Variants in B3GALT1 observed in about 807,000 individuals in gnomAD.
B3GALT1 encodes UDP-Gal:betaGlcNAc beta 1,3-galactosyltransferase, polypeptide 1.
A neutral mutation model predicts 23.2 loss-of-function variants in B3GALT1; 10 were observed. The observed-to-expected ratio is 0.43, with a 90% confidence interval of 0.27 to 0.73. B3GALT1 has a LOEUF of 0.73. Ranked by LOEUF, B3GALT1 falls within the 30% of genes least tolerant of loss-of-function variation. The pLI, the probability that B3GALT1 is intolerant of heterozygous loss-of-function variation, is 0.21. For missense variants in B3GALT1, 299 were observed against 405.4 expected (o/e 0.74, Z 2.25); for synonymous variants, 156 against 141.5 (o/e 1.10, Z -0.73).
At chr2:167,460,148 GT>G (rs896499735) in intron 1 of B3GALT1, among the ~76,000 whole-genome samples, 17 of 152,188 alleles carry the variant, frequency 1.1e-4, no homozygotes, top group African/African-American at 3.9e-4. Context: ...TTATATTCAT[GT>G]TTTTTATCAA....
At chr2:167,430,131 G>A (rs943955641) in intron 1 of B3GALT1, among the ~76,000 whole-genome samples, 1 of 152,208 alleles carries the variant, frequency 6.6e-6, no homozygotes, top group Non-Finnish European at 1.5e-5. Flanking sequence ...TCAGTTTTAA[G>A]TAAGGTAGCT....
intron 3 of B3GALT1, among the ~76,000 whole-genome samples, chr2:167,807,777 A>G (rs1688786086): frequency 6.6e-6 from 1 of 152,234 alleles, no homozygotes; most frequent in Non-Finnish European, 1.5e-5. Context: ...GGTGCTGAGA[A>G]GAATGTATAT....
intron 2 of B3GALT1, among the ~76,000 whole-genome samples, chr2:167,644,922 G>A (rs1484985540): frequency 6.6e-6 from 1 of 151,620 alleles, no homozygotes; most frequent in Non-Finnish European, 1.5e-5. Flanking sequence ...GCACCATTCA[G>A]ACTCAGAGCC....
At chr2:167,617,507 A>T (rs1024974875) in intron 2 of B3GALT1, among the ~76,000 whole-genome samples, 1 of 152,080 alleles carries the variant, frequency 6.6e-6, no homozygotes, top group Non-Finnish European at 1.5e-5. Context: ...TTAGGGTTCT[A>T]TTAGAAGTGA....
chr2:167,657,463 C>T (rs1685975489), intron 3 of B3GALT1, among the ~76,000 whole-genome samples: 5 of 151,902 alleles, frequency 3.3e-5, no homozygotes, highest in African/African-American at 1.2e-4. Flanking sequence ...CGGCATGTCC[C>T]CACAGTACAG....
At chr2:167,667,540 G>C (rs967343090) in intron 3 of B3GALT1, among the ~76,000 whole-genome samples, 3 of 152,196 alleles carry the variant, frequency 2.0e-5, no homozygotes, top group Non-Finnish European at 4.4e-5. Flanking sequence ...ATATCCTGCA[G>C]AGTGTTTTCC....
intron 4 of B3GALT1, among the ~76,000 whole-genome samples, chr2:167,861,781 G>A (rs901763962): frequency 6.6e-6 from 1 of 152,130 alleles, no homozygotes; most frequent in Admixed American, 6.5e-5. Flanking sequence ...GTAAGAGAGA[G>A]GAGACATTTG....
chr2:167,669,219 A>G (rs1446712474), intron 3 of B3GALT1, among the ~76,000 whole-genome samples: 1 of 152,096 alleles, frequency 6.6e-6, no homozygotes. Context: ...CATAAGGGCT[A>G]TTGATGTATA....
intron 1 of B3GALT1, among the ~76,000 whole-genome samples, chr2:167,429,537 A>G (rs932162760): frequency 1.3e-5 from 2 of 152,208 alleles, no homozygotes; most frequent in African/African-American, 4.8e-5. Flanking sequence ...CCTATGGGAC[A>G]GAAAGGGTAA....
At chr2:167,573,984 G>C in intron 2 of B3GALT1, among the ~76,000 whole-genome samples, 1 of 151,542 alleles carries the variant, frequency 6.6e-6, no homozygotes. Context: ...GTAACAATAT[G>C]GGATCCAATG....
intron 1 of B3GALT1, among the ~76,000 whole-genome samples, chr2:167,436,591 C>T (rs1698789749): frequency 6.6e-6 from 1 of 152,176 alleles, no homozygotes; most frequent in Non-Finnish European, 1.5e-5. Flanking sequence ...GGGATGAAAA[C>T]TACATTGTTA....
At chr2:167,382,074 C>T (rs1697854165) in intron 1 of B3GALT1, among the ~76,000 whole-genome samples, 1 of 152,128 alleles carries the variant, frequency 6.6e-6, no homozygotes, top group African/African-American at 2.4e-5. Context: ...AAATTGAGGC[C>T]ATTCATTTAA....
chr2:167,555,122 A>G (rs1373166224), intron 2 of B3GALT1, among the ~76,000 whole-genome samples: 3 of 152,208 alleles, frequency 2.0e-5, no homozygotes, highest in African/African-American at 7.2e-5. Flanking sequence ...TGCTATGTAT[A>G]TGCTTCACTT....
At chr2:167,610,750 G>A (rs1404700922) in intron 2 of B3GALT1, among the ~76,000 whole-genome samples, 2 of 151,808 alleles carry the variant, frequency 1.3e-5, no homozygotes, top group African/African-American at 2.4e-5. Flanking sequence ...AAGTGTGCAT[G>A]TCTAGTAGTG....
intron 4 of B3GALT1, among the ~76,000 whole-genome samples, chr2:167,867,202 A>AG (rs1434160268): frequency 6.6e-6 from 1 of 152,216 alleles, no homozygotes; most frequent in Non-Finnish European, 1.5e-5. Context: ...CTGGGATTAC[A>AG]GGCGTGAGCC....
At chr2:167,843,361 G>A (rs1223327696) in intron 4 of B3GALT1, among the ~76,000 whole-genome samples, 1 of 152,158 alleles carries the variant, frequency 6.6e-6, no homozygotes, top group African/African-American at 2.4e-5. Context: ...AATCCAGCCT[G>A]TCAGACTCCA....
chr2:167,633,685 G>A (rs962040178), intron 2 of B3GALT1, among the ~76,000 whole-genome samples: 2 of 151,936 alleles, frequency 1.3e-5, no homozygotes, highest in African/African-American at 4.8e-5. Flanking sequence ...GATTCATAAA[G>A]CAAGTTCTTA....
intron 1 of B3GALT1, among the ~76,000 whole-genome samples, chr2:167,457,373 A>T (rs1020051613): frequency 6.6e-6 from 1 of 151,830 alleles, no homozygotes. Context: ...GGGTTTCACC[A>T]TGTCGGGCAG....
intron 1 of B3GALT1, among the ~76,000 whole-genome samples, chr2:167,412,402 T>G (rs1698406389): frequency 6.6e-6 from 1 of 152,112 alleles, no homozygotes; most frequent in Admixed American, 6.5e-5. Context: ...GTTCACAAAT[T>G]GATAATCAAA....
Sources: allele counts gnomAD v4.1 joint callset (sites outside exome capture counted in the v4.1 genomes callset), GRCh38; gene constraint gnomAD v4.1.1; transcripts MANE v1.5; gene names NCBI Gene and HGNC (gene_info 2026-07-23, HGNC 2026-07-21).